KLHL29: variants seen among roughly 807,000 people sequenced by gnomAD.
KLHL29 encodes kelch-like protein 29.
Under a neutral mutation model 80.4 loss-of-function variants are expected in KLHL29, and 21 were observed. The observed-to-expected ratio is 0.26, with a 90% CI of 0.19 to 0.38. The LOEUF (loss-of-function observed/expected upper bound fraction) is 0.38, where lower values mean the gene tolerates loss of function less well. Ranked by LOEUF, KLHL29 falls within the 10% of genes least tolerant of loss-of-function variation. KLHL29 has a pLI of 1.00. For missense variants in KLHL29, 867 were observed against 1,223.9 expected (o/e 0.71, Z 4.35); for synonymous variants, 511 against 526.8 (o/e 0.97, Z 0.41).
At chr2:23,507,049 C>T (rs928079466) in intron 2 of KLHL29, 8 of 412,276 alleles carry the variant, frequency 1.9e-5, no homozygotes, top group Middle Eastern at 5.7e-4. Context: ...AGCTAGACTG[C>T]AGCCGACCCT....
intron 3 of KLHL29, among the ~76,000 whole-genome samples, chr2:23,602,032 T>G (rs1169747150): frequency 6.6e-6 from 1 of 152,130 alleles, no homozygotes; most frequent in African/African-American, 2.4e-5. Flanking sequence ...CCAGTGGCTA[T>G]GGCAGTCACT....
At chr2:23,590,028 A>G (rs1668216645) in intron 3 of KLHL29, among the ~76,000 whole-genome samples, 2 of 152,240 alleles carry the variant, frequency 1.3e-5, no homozygotes, top group African/African-American at 2.4e-5. Context: ...AGACCAGGAA[A>G]TGGAGCAGCC....
intron 3 of KLHL29, among the ~76,000 whole-genome samples, chr2:23,629,326 C>T (rs1183752784): frequency 6.6e-6 from 1 of 151,766 alleles, no homozygotes; most frequent in Non-Finnish European, 1.5e-5. Context: ...GGAGCTGAAG[C>T]GCAGGAAAGG....
intron 3 of KLHL29, among the ~76,000 whole-genome samples, chr2:23,575,888 T>C (rs1667830245): frequency 6.6e-6 from 1 of 152,112 alleles, no homozygotes; most frequent in Admixed American, 6.5e-5. Flanking sequence ...GCAGATAGAC[T>C]CCCTGGTGGA....
intron 1 of KLHL29, among the ~76,000 whole-genome samples, chr2:23,386,003 G>C (rs976502324): frequency 4.0e-5 from 6 of 150,422 alleles, no homozygotes; most frequent in Admixed American, 2.0e-4. Context: ...GGAAAAAAAG[G>C]GGGGGAAAAA....
chr2:23,417,077 C>G (rs1274459464), intron 1 of KLHL29, among the ~76,000 whole-genome samples: 5 of 152,152 alleles, frequency 3.3e-5, no homozygotes, highest in East Asian at 1.9e-4. Context: ...CCTTCCACCC[C>G]CAACATAGAG....
intron 3 of KLHL29, among the ~76,000 whole-genome samples, chr2:23,634,942 C>T (rs1490266660): frequency 1.1e-5 from 1 of 89,018 alleles, no homozygotes; most frequent in African/African-American, 5.2e-5. Flanking sequence ...ACCCTGCCCT[C>T]ATGGAGTCAT....
chr2:23,523,970 A>G (rs1458588620), intron 2 of KLHL29: 3 of 471,580 alleles, frequency 6.4e-6, no homozygotes, highest in South Asian at 1.5e-5. Context: ...AGAAGATTCC[A>G]TGCGTCTTTC....
At chr2:23,670,917 G>GCGCGCACTCTCT (rs150131401) in intron 5 of KLHL29, among the ~76,000 whole-genome samples, 8 of 18,534 alleles carry the variant, frequency 4.3e-4, no homozygotes, top group Admixed American at 7.2e-4. Context: ...ACATGCACGC[G>GCGCGCACTCTCT]CTCTCTCTCT....
chr2:23,597,375 G>A (rs58501633), intron 3 of KLHL29, among the ~76,000 whole-genome samples: 4,640 of 21,228 alleles, frequency 0.22, 204 homozygotes, highest in Admixed American at 0.4. Context: ...ATATATATGT[G>A]TGTGTGTGTA....
chr2:23,542,144 T>C (rs1218805363), intron 2 of KLHL29, among the ~76,000 whole-genome samples: 1 of 152,222 alleles, frequency 6.6e-6, no homozygotes, highest in Non-Finnish European at 1.5e-5. Flanking sequence ...TTCCAACCCT[T>C]TGATCTCTTG....
chr2:23,434,308 G>A (rs1047275453), intron 1 of KLHL29, among the ~76,000 whole-genome samples: 9 of 114,094 alleles, frequency 7.9e-5, no homozygotes, highest in South Asian at 3.2e-4. Context: ...GAGACACAGC[G>A]AGACTCCGTC....
intron 2 of KLHL29, among the ~76,000 whole-genome samples, chr2:23,535,304 G>A (rs1560590): frequency 6.6e-6 from 1 of 152,160 alleles, no homozygotes; most frequent in Non-Finnish European, 1.5e-5. Flanking sequence ...CAGGTGCCTC[G>A]CCACCCTCTC....
chr2:23,405,625 T>C (rs1432194722), intron 1 of KLHL29, among the ~76,000 whole-genome samples: 1 of 152,138 alleles, frequency 6.6e-6, no homozygotes, highest in Non-Finnish European at 1.5e-5. Flanking sequence ...GGACCAACAA[T>C]GTTGGCACCA....
At chr2:23,482,832 CATTCATTCATTCAT>C (rs1341108366) in intron 2 of KLHL29, among the ~76,000 whole-genome samples, 2 of 3,476 alleles carry the variant, frequency 5.8e-4, no homozygotes, top group African/African-American at 1.9e-3. Flanking sequence ...CTCACTCATT[CATTCATTCATTCAT>C]TCATTCATTC....
At chr2:23,676,472 G>A (rs566336724) in intron 5 of KLHL29, among the ~76,000 whole-genome samples, 23 of 152,160 alleles carry the variant, frequency 1.5e-4, no homozygotes, top group African/African-American at 2.2e-4. Flanking sequence ...GTGAGCCACC[G>A]CACCTGGCCG....
chr2:23,547,764 A>G (rs760317818), intron 2 of KLHL29, among the ~76,000 whole-genome samples: 11 of 152,182 alleles, frequency 7.2e-5, no homozygotes, highest in Non-Finnish European at 1.5e-4. Flanking sequence ...TTTGCTACTT[A>G]CATCCTGCTG....
chr2:23,562,470 G>A lies in KLHL29; in HGVS notation c.274G>A (p.Val92Ile), dbSNP rs1328721320. 6.5e-7 allele frequency: 1 copy of A among 1,536,006 alleles called. No individual in the cohort carries two copies. The highest frequency in any genetic ancestry group is 8.7e-7 in the Non-Finnish European group (1 of 1,146,746). The stretch of plus-strand genomic sequence containing the variant: ...CCTCGTGGCCAGCTCTGCGTCTGCG[G>A]TCACCACCAAGGTAAGATGTGGTGT... ...TSLVASSASA[V>I]TTKAPGISKG... The change falls in exon 3 of 14, where the codon GTC (valine) becomes ATC (isoleucine). Residue 92 changes from valine (V) to isoleucine (I), a missense_variant. Coordinates refer to ENST00000486442, the MANE Select transcript of KLHL29 (RefSeq NM_052920.2). The surrounding 1 kb of genome is among the most constrained non-coding windows in gnomAD (Gnocchi z 4.5).
At chr2:23,581,311 A>G (rs1298635688) in intron 3 of KLHL29, among the ~76,000 whole-genome samples, 5 of 152,126 alleles carry the variant, frequency 3.3e-5, no homozygotes, top group Non-Finnish European at 5.9e-5. Flanking sequence ...TGAACATCAC[A>G]TGGATTCTCT....
Sources: gnomAD v4.1 joint callset for allele counts (sites outside exome capture counted in the v4.1 genomes callset) on GRCh38, gnomAD v4.1.1 for gene constraint, Gnocchi (gnomAD v3.1) non-coding constraint, MANE v1.5 for transcripts, NCBI Gene and HGNC (gene_info 2026-07-23, HGNC 2026-07-21) for gene names.